Variants in HEATR5A observed in about 807,000 individuals in gnomAD.
HEATR5A encodes the protein HEAT repeat-containing protein 5A.
In HEATR5A, 178 loss-of-function variants were observed where a neutral mutation model predicts 218.8. That is an observed-to-expected ratio of 0.81 (90% CI 0.72 to 0.92). HEATR5A has a LOEUF of 0.92. Among genes scored for constraint, HEATR5A ranks in the 40% least tolerant of loss-of-function variants. The probability of loss-of-function intolerance (pLI) is 0.00; values close to 1 mark genes in which losing one functional copy is unlikely to be tolerated. For synonymous variants in HEATR5A, 864 were observed against 871.6 expected (o/e 0.99, Z 0.15); for missense variants, 2,420 against 2,418.9 (o/e 1.00, Z -0.01).
At chr14:31,360,903 C>T (rs902940491) in intron 14 of HEATR5A, among the ~76,000 whole-genome samples, 2 of 152,052 alleles carry the variant, frequency 1.3e-5, no homozygotes, top group Non-Finnish European at 2.9e-5. Context: ...ATCCAAGCCT[C>T]AAGTGATCCT....
At chr14:31,323,536 T>A (rs770730215) in intron 24 of HEATR5A, 29 bp downstream of exon 24, 1 of 1,537,454 alleles carries the variant, frequency 6.5e-7, no homozygotes, top group Non-Finnish European at 8.8e-7. Flanking sequence ...ACACATATCA[T>A]TTGGTGTTTT....
intron 33 of HEATR5A, among the ~76,000 whole-genome samples, chr14:31,300,990 C>T (rs1405013897): frequency 1.3e-5 from 2 of 152,078 alleles, no homozygotes; most frequent in Non-Finnish European, 2.9e-5. Context: ...AAATTCTTAA[C>T]GTAATAATCA....
At chr14:31,381,915 C>A (rs1444265835) in intron 10 of HEATR5A, among the ~76,000 whole-genome samples, 1 of 152,136 alleles carries the variant, frequency 6.6e-6, no homozygotes, top group African/African-American at 2.4e-5. Flanking sequence ...TTACCAATCA[C>A]CTCTGAAAAA....
At chr14:31,365,495 G>A (rs1417330227) in intron 13 of HEATR5A, among the ~76,000 whole-genome samples, 1 of 151,956 alleles carries the variant, frequency 6.6e-6, no homozygotes, top group Non-Finnish European at 1.5e-5. Context: ...TGACTAGCTG[G>A]GACTACAGGC....
chr14:31,371,646 T>C (rs572531234), intron 13 of HEATR5A, 164 bp downstream of exon 13: 35 of 418,704 alleles, frequency 8.4e-5, no homozygotes, highest in African/African-American at 4.9e-4. Flanking sequence ...CCTTTTAATA[T>C]GTAATTTCTT....
chr14:31,304,929 G>C lies in HEATR5A; in HGVS notation c.5215C>G (p.Leu1739Val). The stretch of plus-strand genomic sequence containing the variant: ...CCTTCAGGAGAGCACACTGCAGGAA[G>C]TTCGGAAAGGATAACCAATGCAGCT... ...VSAALVILSELPAVCSPEGSI... is the reference protein window; with the variant it reads ...VSAALVILSEVPAVCSPEGSI... Residue 1739 changes from leucine (L) to valine (V), a missense_variant, in exon 32 of 36, where the codon CTT becomes GTT. Transcript: ENST00000543095. The C allele has an allele frequency of 6.2e-7, 1 of 1,613,984 alleles. No homozygotes were observed. The highest frequency in any genetic ancestry group is 2.2e-5 in the East Asian group (1 of 44,874).
Position 31,400,471 on chromosome 14 carries a change from G to C in HEATR5A, c.168C>G (p.Leu56=). Residue 56 remains leucine, a synonymous_variant, in exon 3 of 36, where the codon CTC becomes CTG. Transcript: ENST00000543095. ...REKQKTLVEQ[L]LSLLNSSPGP... Reference sequence around the variant, plus strand: ...CTGGGGAGCTGTTCAACAAAGACAGGAGCTGTTCAACAAGAGTCTTCTGTT... The same window carrying C: ...CTGGGGAGCTGTTCAACAAAGACAGCAGCTGTTCAACAAGAGTCTTCTGTT... 6.5e-7 allele frequency: 1 copy of C among 1,535,848 alleles called. No homozygotes were observed. The highest frequency in any genetic ancestry group is 8.7e-7 in the Non-Finnish European group (1 of 1,146,774).
intron 1 of HEATR5A, among the ~76,000 whole-genome samples, chr14:31,417,591 GA>G (rs1230259383): frequency 1.4e-5 from 2 of 145,916 alleles, no homozygotes; most frequent in East Asian, 4.0e-4. Flanking sequence ...CTCAAAAAAA[GA>G]AAAAAAAATT....
intron 6 of HEATR5A, among the ~76,000 whole-genome samples, chr14:31,389,626 T>G (rs1398520893): frequency 6.6e-6 from 1 of 152,128 alleles, no homozygotes; most frequent in Non-Finnish European, 1.5e-5. Flanking sequence ...GCTGGGTTTC[T>G]CCCTGTGACT....
intron 1 of HEATR5A, among the ~76,000 whole-genome samples, chr14:31,410,879 T>G (rs1211536245): frequency 6.6e-6 from 1 of 152,180 alleles, no homozygotes; most frequent in African/African-American, 2.4e-5. Flanking sequence ...AGGATATTAT[T>G]CTGTATGACC....
intron 3 of HEATR5A, 35 bp from the exon 4 acceptor site, chr14:31,398,816 C>T (rs2030756871): frequency 3.3e-6 from 4 of 1,200,420 alleles, no homozygotes; most frequent in Non-Finnish European, 4.7e-6. Context: ...TTAGTCACAG[C>T]TGAAAAAATA....
At chr14:31,349,453 T>C (rs1229001913) in intron 18 of HEATR5A, among the ~76,000 whole-genome samples, 1 of 152,182 alleles carries the variant, frequency 6.6e-6, no homozygotes, top group Admixed American at 6.5e-5. Context: ...CTTTTTCCTG[T>C]AGTTTGTTCT....
Position 31,327,286 on chromosome 14 carries a change from CTTTTTT to C in HEATR5A, c.3368-950_3368-945del, listed in dbSNP as rs71951930. Among the ~76,000 whole-genome samples, 5 of 45,164 alleles carry C rather than the reference CTTTTTT, an allele frequency of 1.1e-4. No individual in the cohort carries two copies. The East Asian group carries it at 2.1e-3, about 19-fold the overall frequency. 29.6% of individuals were successfully genotyped at this position (45,164 alleles called of 152,430 possible). ...CCACAGTGCCCAGCCTCCAGTGGCACTTTTTTTTTTTTTTTTTTTTTTTTTGAGACC... is the reference window on the plus strand; with the variant it reads ...CCACAGTGCCCAGCCTCCAGTGGCACTTTTTTTTTTTTTTTTTTTGAGACC... On this transcript the variant is annotated intron_variant, in intron 22 of 35. Transcript: ENST00000543095.
intron 11 of HEATR5A, among the ~76,000 whole-genome samples, chr14:31,376,480 C>T (rs904242645): frequency 6.6e-6 from 1 of 152,108 alleles, no homozygotes; most frequent in Non-Finnish European, 1.5e-5. Flanking sequence ...ACTGCCACTG[C>T]AACAGAACAA....
intron 4 of HEATR5A, among the ~76,000 whole-genome samples, chr14:31,397,159 C>T (rs1259417758): frequency 6.6e-6 from 1 of 152,132 alleles, no homozygotes; most frequent in Non-Finnish European, 1.5e-5. Context: ...GAATCAGCTA[C>T]GTCCTTCTTA....
At chr14:31,296,820 A>C (rs913055611) in intron 33 of HEATR5A, 1 of 152,242 alleles carries the variant, frequency 6.6e-6, no homozygotes, top group African/African-American at 2.4e-5. Flanking sequence ...GAATGGGTTG[A>C]TACTTATGAA....
intron 29 of HEATR5A, 146 bp from the exon 30 acceptor site, chr14:31,308,166 A>G (rs969040744): frequency 1.9e-5 from 14 of 749,856 alleles, no homozygotes; most frequent in Non-Finnish European, 2.7e-5. Context: ...AGACTAAACA[A>G]TTAAATGACA....
chr14:31,338,647 T>G (rs1900741968), intron 21 of HEATR5A, among the ~76,000 whole-genome samples: 1 of 152,164 alleles, frequency 6.6e-6, no homozygotes, highest in African/African-American at 2.4e-5. Flanking sequence ...AATAAATATG[T>G]ATATTATGGT....
At chr14:31,357,874 G>T (rs1901479301) in intron 16 of HEATR5A, among the ~76,000 whole-genome samples, 1 of 152,122 alleles carries the variant, frequency 6.6e-6, no homozygotes, top group African/African-American at 2.4e-5. Context: ...TCTAAAGCAG[G>T]GGGGCCCCAA....
Sources: gnomAD v4.1 joint callset for allele counts (sites outside exome capture counted in the v4.1 genomes callset) on GRCh38, gnomAD v4.1.1 for gene constraint, MANE v1.5 for transcripts, NCBI Gene and HGNC (gene_info 2026-07-23, HGNC 2026-07-21) for gene names.